TENM2: variants seen among roughly 807,000 people sequenced by gnomAD.
TENM2 encodes teneurin transmembrane protein 2.
In TENM2, 52 loss-of-function variants were observed where a neutral mutation model predicts 245.2. The ratio of observed to expected loss-of-function variants is 0.21; its 90% confidence interval spans 0.17 to 0.27. The LOEUF is 0.27. TENM2 is among the 10% of genes least tolerant of loss of function. TENM2 has a pLI of 1.00. For missense variants in TENM2, 3,046 were observed against 3,666.8 expected (o/e 0.83, Z 4.37); for synonymous variants, 1,363 against 1,438.9 (o/e 0.95, Z 1.19).
At chr5:167,085,749 C>A in the TENM2 span, among the ~76,000 whole-genome samples, 1 of 152,118 alleles carries the variant, frequency 6.6e-6, no homozygotes, top group African/African-American at 2.4e-5. Flanking sequence ...GATGCAAACC[C>A]AGGCTGAAAT....
chr5:168,088,261 C>T (rs1334418328), intron 7 of TENM2: 2 of 152,152 alleles, frequency 1.3e-5, no homozygotes, highest in Non-Finnish European at 2.9e-5. Flanking sequence ...CTCTGGCTGA[C>T]AGCAATTTGT....
Position 168,125,068 on chromosome 5 carries a change from C to T in TENM2, c.2209+18C>T. 6.3e-7 allele frequency: 1 copy of T among 1,590,014 alleles called. No homozygotes were observed. The highest frequency in any genetic ancestry group is 2.1e-4 in the Middle Eastern group (1 of 4,738). On this transcript the variant is annotated intron_variant, in intron 11 of 28. Transcript: ENST00000518659. Reference sequence around the variant, plus strand: ...CTCTGTTGGTAAGCCACAAGGTTTTCTCCTTCCTCTCTCCAACACTCCTGC... The same window carrying T: ...CTCTGTTGGTAAGCCACAAGGTTTTTTCCTTCCTCTCTCCAACACTCCTGC...
chr5:167,858,775 G>A (rs1179934188), intron 2 of TENM2, among the ~76,000 whole-genome samples: 1 of 150,650 alleles, frequency 6.6e-6, no homozygotes, highest in East Asian at 2.0e-4. Context: ...TCAGCGGGCA[G>A]CGGAGCTGTC....
At chr5:168,011,508 C>T (rs1042717618) in intron 5 of TENM2, among the ~76,000 whole-genome samples, 2 of 152,184 alleles carry the variant, frequency 1.3e-5, no homozygotes, top group African/African-American at 2.4e-5. Context: ...GTTGAAAATT[C>T]CTGCTCTAAT....
At chr5:167,083,634 T>C in the TENM2 span, among the ~76,000 whole-genome samples, 2 of 152,070 alleles carry the variant, frequency 1.3e-5, no homozygotes, top group Non-Finnish European at 2.9e-5. Context: ...GTAGCACAAA[T>C]TGAGATATTA....
intron 26 of TENM2, among the ~76,000 whole-genome samples, chr5:168,246,003 C>T (rs1269588055): frequency 1.3e-5 from 2 of 152,004 alleles, no homozygotes; most frequent in African/African-American, 4.8e-5. Flanking sequence ...GAGGCCGAGG[C>T]GGGCTGATCA....
chr5:168,067,490 TC>T (rs1389076883), intron 7 of TENM2, among the ~76,000 whole-genome samples: 1 of 152,194 alleles, frequency 6.6e-6, no homozygotes, highest in African/African-American at 2.4e-5. Context: ...TCAGCGGAAT[TC>T]CCCTAATGAC....
chr5:167,178,919 G>A, the TENM2 span, among the ~76,000 whole-genome samples: 69 of 152,236 alleles, frequency 4.5e-4, 1 homozygote, highest in Non-Finnish European at 8.7e-4. Flanking sequence ...AGGCAACATT[G>A]TTAGCATATA....
chr5:167,382,150 A>T (rs568743915), intron 2 of TENM2, among the ~76,000 whole-genome samples: 1 of 152,284 alleles, frequency 6.6e-6, no homozygotes, highest in African/African-American at 2.4e-5. Context: ...AGATGGAGGG[A>T]AAACCTACTT....
chr5:168,150,702 G>A (rs561537018), intron 12 of TENM2, among the ~76,000 whole-genome samples: 37 of 152,222 alleles, frequency 2.4e-4, no homozygotes, highest in African/African-American at 8.7e-4. Context: ...AGATTTCTTG[G>A]GGAACAAGAA....
At chr5:167,951,330 C>T (rs1780085494) in intron 3 of TENM2, among the ~76,000 whole-genome samples, 1 of 152,198 alleles carries the variant, frequency 6.6e-6, no homozygotes, top group Admixed American at 6.5e-5. Flanking sequence ...CAGCAGTCAC[C>T]TGGTGAGCTG....
the TENM2 span, among the ~76,000 whole-genome samples, chr5:167,269,706 C>G: frequency 1.3e-5 from 2 of 152,092 alleles, no homozygotes; most frequent in Non-Finnish European, 2.9e-5. Context: ...TCTTCCTTCT[C>G]CACTCATTCA....
chr5:167,748,817 C>T (rs1343276886), intron 2 of TENM2, among the ~76,000 whole-genome samples: 2 of 151,994 alleles, frequency 1.3e-5, no homozygotes, highest in African/African-American at 2.4e-5. Context: ...AACAGCGCGG[C>T]GGAAACCACC....
intron 2 of TENM2, chr5:167,755,222 G>C (rs769317658): frequency 6.5e-7 from 1 of 1,545,478 alleles, no homozygotes; most frequent in East Asian, 2.2e-5. Flanking sequence ...ATGCAGATGG[G>C]GTTTTGCAAG....
At chr5:167,186,550 G>T in the TENM2 span, among the ~76,000 whole-genome samples, 1 of 152,184 alleles carries the variant, frequency 6.6e-6, no homozygotes, top group Admixed American at 6.5e-5. Flanking sequence ...GGAGTTTAGC[G>T]AGCTTCCCTT....
chr5:168,196,519 T>A (rs139944473), intron 15 of TENM2, among the ~76,000 whole-genome samples: 3,836 of 152,298 alleles, frequency 0.025, 139 homozygotes, highest in East Asian at 0.19. Flanking sequence ...TGGAGTGCAA[T>A]GGCGCAATCT....
At chr5:167,952,868 C>T (rs1228080549) in intron 4 of TENM2, 46 bp downstream of exon 6, 3 of 1,478,710 alleles carry the variant, frequency 2.0e-6, no homozygotes, top group Non-Finnish European at 2.8e-6. Context: ...TGTCACCTTA[C>T]CCCTGAGTCA....
intron 3 of TENM2, among the ~76,000 whole-genome samples, chr5:167,937,021 A>G (rs951821161): frequency 6.6e-6 from 1 of 152,218 alleles, no homozygotes; most frequent in South Asian, 2.1e-4. Context: ...ACATTTGTAT[A>G]TATTTATGGT....
At chr5:167,101,394 T>G in the TENM2 span, among the ~76,000 whole-genome samples, 4 of 152,126 alleles carry the variant, frequency 2.6e-5, no homozygotes, top group Admixed American at 6.5e-5. Context: ...CAAAGCTAAG[T>G]CTTGAAGAAA....
Sources: allele counts gnomAD v4.1 joint callset (sites outside exome capture counted in the v4.1 genomes callset), GRCh38; gene constraint gnomAD v4.1.1; transcripts MANE v1.5; gene names NCBI Gene and HGNC (gene_info 2026-07-23, HGNC 2026-07-21).